Variants in SLFN14 observed in about 807,000 individuals in gnomAD.
The protein encoded by SLFN14 is protein SLFN14.
SLFN14 carries 47 observed loss-of-function variants against 58.6 expected under a neutral mutation model. The ratio of observed to expected loss-of-function variants is 0.80; its 90% confidence interval spans 0.64 to 1.02. SLFN14 has a LOEUF of 1.02. Among genes scored for constraint, SLFN14 ranks in the 50% least tolerant of loss-of-function variants. SLFN14 has a pLI of 0.00. For missense variants in SLFN14, 967 were observed against 1,078.4 expected, an observed-to-expected ratio of 0.90 and a Z score of 1.45; for synonymous variants, 390 against 387.3, an observed-to-expected ratio of 1.01 and a Z score of -0.08.
intron 5 of SLFN14, among the ~76,000 whole-genome samples, chr17:35,551,967 G>T (rs919465485): frequency 1.3e-5 from 2 of 152,120 alleles, no homozygotes; most frequent in African/African-American, 2.4e-5. Flanking sequence ...TAACCTCCTT[G>T]TTAATTGGAC....
intron 3 of SLFN14, among the ~76,000 whole-genome samples, chr17:35,555,010 G>T (rs1383333959): frequency 6.6e-6 from 1 of 152,028 alleles, no homozygotes; most frequent in Non-Finnish European, 1.5e-5. Context: ...ATAATATTCT[G>T]ACTCCAGGTT....
In SLFN14 at chr17:35,548,611, C is replaced by A. The variant is rs887312412; in HGVS notation, c.2367G>T (p.Leu789=). Residue 789 remains leucine (L), a synonymous_variant, in exon 6 of 6, where the codon CTG becomes CTT. Transcript: ENST00000674182. ...LPGVCETKTN[L]TTEQIANYVA... is the part of the protein sequence containing the mutation. ...CATAGTTAGCTATTTGTTCTGTTGT[C>A]AGATTAGTCTTTGTCTCACACACCC... 2.6e-6 allele frequency: 4 copies of A among 1,551,738 alleles called. No individual in the cohort carries two copies. The highest frequency in any genetic ancestry group is 3.5e-6 in the Non-Finnish European group (4 of 1,147,016).
chr17:35,556,123 C>T (rs1380077028), intron 3 of SLFN14, among the ~76,000 whole-genome samples: 2 of 151,904 alleles, frequency 1.3e-5, no homozygotes, highest in South Asian at 2.1e-4. Context: ...CTACAACCTC[C>T]ACCTCCCAGG....
chr17:35,548,505 T>G lies in SLFN14; in HGVS notation c.2473A>C (p.Arg825=), dbSNP rs947753341. 2 of 1,551,760 alleles carry G rather than the reference T, an allele frequency of 1.3e-6. No individual in the cohort carries two copies. Among genetic ancestry groups the G allele is most frequent in the Non-Finnish European group, 1.7e-6 (2 of 1,146,998 alleles). Residue 825 remains arginine (R), a synonymous_variant, in exon 6 of 6, where the codon AGA becomes CGA. Coordinates refer to ENST00000674182, the MANE Select transcript of SLFN14 (RefSeq NM_001129820.2). The part of the protein sequence containing the change: ...IAILCRRGED[R]GRYRLALLKA... ...AGTAGTGCAAGCCTATAGCGTCCTC[T>G]GTCCTCCCCTCTCCTGCACAGAATT...
chr17:35,552,114 C>T (rs1040390168), intron 5 of SLFN14, among the ~76,000 whole-genome samples: 2 of 152,198 alleles, frequency 1.3e-5, no homozygotes, highest in African/African-American at 4.8e-5. Context: ...GGCCTGCTAG[C>T]CCATGCTCCA....
In SLFN14 at chr17:35,546,496, A is replaced by G. The variant is rs1005983857; in HGVS notation, c.*1743T>C. Among the ~76,000 whole-genome samples the G allele has an allele frequency of 3.9e-5, 6 of 152,232 alleles. No individual in the cohort carries two copies. The highest frequency in any genetic ancestry group is 1.4e-4 in the African/African-American group (6 of 41,466). On this transcript the variant is annotated 3_prime_UTR_variant, in exon 6 of 6. Transcript: ENST00000674182. ...AGGCTGAGGGGCTTTATCTAAAATC[A>G]TAACCAAAATTTCCACATGTCTCCT...
At position 35,554,626 on chromosome 17, in the gene SLFN14, G is replaced by T; in HGVS notation, c.1139C>A (p.Pro380His). ...ASSARKSPGYPIKVHKFKEAL... is the reference protein window; with the variant it reads ...ASSARKSPGYHIKVHKFKEAL... ...CTCCTTAAATTTGTGGACTTTTATGGGATATCCGGGACTTTTTCGTGCAGA... is the reference window on the plus strand; with the variant it reads ...CTCCTTAAATTTGTGGACTTTTATGTGATATCCGGGACTTTTTCGTGCAGA... The change falls in exon 4 of 6, where the codon CCC becomes CAC. Residue 380 changes from proline (P) to histidine (H), a missense_variant. Coordinates refer to ENST00000674182, the MANE Select transcript of SLFN14 (RefSeq NM_001129820.2). 1.3e-6 allele frequency: 2 copies of T among 1,534,210 alleles called. No individual in the cohort carries two copies. The highest frequency in any genetic ancestry group is 2.0e-5 in the Admixed American group (1 of 49,132).
At position 35,553,575 on chromosome 17, in the gene SLFN14, T is replaced by C; in HGVS notation, c.1190-131A>G. ...GAGCTTTCCTTTAGAATTGTGATTC[T>C]TAATCAGGAGCAGTTTTACTCCCCA... On this transcript the variant is annotated intron_variant, in intron 4 of 5. Transcript: ENST00000674182. 5 of 743,806 alleles carry C rather than the reference T, an allele frequency of 6.7e-6. No homozygotes were observed. The South Asian group carries it at 9.9e-5, about 15-fold the overall frequency. The allele number at this position is 743,806 out of a possible 1,614,324, so 46.1% of individuals were successfully genotyped here. A position where few individuals can be genotyped will look rare whatever the true frequency, so the allele number is the denominator to read the frequency against.
chr17:35,557,857 T>A lies in SLFN14; in HGVS notation c.206A>T (p.Tyr69Phe). ...VIKAEIDDKT[Y>F]SYQCHGLGQD... ...TCCCAGCCCATGGCATTGGTAACTA[T>A]AGGTTTTATCATCAATCTCTGCTTT... The change falls in exon 3 of 6, where the codon TAT becomes TTT. Residue 69 changes from tyrosine (Y) to phenylalanine (F), a missense_variant. Tyr to Phe is a conservative substitution (Grantham distance 22). Coordinates refer to ENST00000674182, the MANE Select transcript of SLFN14 (RefSeq NM_001129820.2). 2 of 1,551,754 alleles carry A rather than the reference T, an allele frequency of 1.3e-6. No individual in the cohort carries two copies. Among genetic ancestry groups the A allele is most frequent in the Non-Finnish European group, 1.7e-6 (2 of 1,146,992 alleles).
At position 35,544,347 on chromosome 17, in the gene SLFN14, T is replaced by G. The variant is rs1029550848; in HGVS notation, c.*3892A>C. Among the ~76,000 whole-genome samples, 1 of 152,134 alleles carries G rather than the reference T, an allele frequency of 6.6e-6. No homozygotes were observed. The highest frequency in any genetic ancestry group is 1.5e-5 in the Non-Finnish European group (1 of 68,028). ...AGGTAGGAAATATTGGGAACAATAA[T>G]GTAGTCTATAGCAATATCTCACAAA... is the stretch of plus-strand genomic sequence containing the variant. On this transcript the variant is annotated 3_prime_UTR_variant, in exon 6 of 6. Coordinates refer to ENST00000674182, the MANE Select transcript of SLFN14 (RefSeq NM_001129820.2).
chr17:35,557,414 T>C lies in SLFN14; in HGVS notation c.649A>G (p.Thr217Ala), dbSNP rs2072663128. 6.4e-7 allele frequency: 1 copy of C among 1,551,688 alleles called. No homozygotes were observed. The highest frequency in any genetic ancestry group is 1.4e-5 in the African/African-American group (1 of 73,164). Residue 217 changes from threonine to alanine, a missense_variant, in exon 3 of 6, where the codon ACC becomes GCC. Thr to Ala is a moderately conservative substitution (Grantham distance 58). Transcript: ENST00000674182. ...STHVEFKRFT[T>A]KKVIPRIKEM... is the part of the protein sequence containing the mutation. Reference sequence around the variant, plus strand: ...TTAATCCGAGGTATGACTTTTTTGGTGGTGAACCTTTTAAATTCAACATGT... The same window carrying C: ...TTAATCCGAGGTATGACTTTTTTGGCGGTGAACCTTTTAAATTCAACATGT...
chr17:35,549,120 A>C, intron 5 of SLFN14, 47 bp from the exon 6 acceptor site: 3 of 1,395,846 alleles, frequency 2.1e-6, no homozygotes, highest in Non-Finnish European at 2.9e-6. Flanking sequence ...AACAAAGAGA[A>C]CACCAGCAGT....
chr17:35,548,450 C>G lies in SLFN14; in HGVS notation c.2528G>C (p.Arg843Thr). 1.9e-6 allele frequency: 3 copies of G among 1,551,736 alleles called. No homozygotes were observed. The highest frequency in any genetic ancestry group is 1.7e-4 in the Middle Eastern group (1 of 5,992). ...LKAMELIETH[R>T]PSEVVFSPAT... is the part of the protein sequence containing the mutation. ...CGGGCTAAACACAACCTCTGATGGT[C>G]TGTGGGTCTCAATTAATTCCATTGC... The change falls in exon 6 of 6, where the codon AGA becomes ACA. Residue 843 changes from arginine (R) to threonine (T), a missense_variant. Transcript: ENST00000674182.
At position 35,552,647 on chromosome 17, in the gene SLFN14, T is replaced by C. The variant is rs9892613; in HGVS notation, c.1904+83A>G. The stretch of plus-strand genomic sequence containing the variant: ...ATACACATATATATACATATATATA[T>C]ACACATATATATACACATATATATA... On this transcript the variant is annotated intron_variant, in intron 5 of 5. Coordinates refer to ENST00000674182, the MANE Select transcript of SLFN14 (RefSeq NM_001129820.2). 5.9e-4 allele frequency: 273 copies of C among 458,932 alleles called. 8 individuals carry two copies. In the East Asian group the frequency reaches 6.1e-3, roughly 10 times the overall value. 28.4% of individuals were successfully genotyped at this position (458,932 alleles called of 1,614,324 possible). A position where few individuals can be genotyped will look rare whatever the true frequency, so the allele number is the denominator to read the frequency against.
At chr17:35,549,126 G>T in intron 5 of SLFN14, 53 bp from the exon 6 acceptor site, 1 of 1,357,414 alleles carries the variant, frequency 7.4e-7, no homozygotes, top group Non-Finnish European at 1.0e-6. Context: ...GAGAACACCA[G>T]CAGTCATTAC....
intron 3 of SLFN14, among the ~76,000 whole-genome samples, chr17:35,556,044 A>T (rs139599630): frequency 3.2e-4 from 48 of 151,830 alleles, no homozygotes; most frequent in African/African-American, 1.0e-3. Flanking sequence ...ATTTTTATTT[A>T]TTTATTTTTT....
At position 35,558,083 on chromosome 17, in the gene SLFN14, C is replaced by T; in HGVS notation, c.-21G>A. 6.5e-7 allele frequency: 1 copy of T among 1,536,296 alleles called. No homozygotes were observed. The highest frequency in any genetic ancestry group is 8.8e-7 in the Non-Finnish European group (1 of 1,139,438). On this transcript the variant is annotated 5_prime_UTR_variant, in exon 3 of 6. It introduces an in-frame stop codon into an upstream open reading frame of the 5' UTR. Coordinates refer to ENST00000674182, the MANE Select transcript of SLFN14 (RefSeq NM_001129820.2). Reference sequence around the variant, plus strand: ...TCCATTTCAGCAGCCCCTCTGTGCTCCAAACAATAAAAGAAAGGAGTTCCT... The same window carrying T: ...TCCATTTCAGCAGCCCCTCTGTGCTTCAAACAATAAAAGAAAGGAGTTCCT...
At position 35,557,136 on chromosome 17, in the gene SLFN14, G is replaced by A. The variant is rs1482862423; in HGVS notation, c.927C>T (p.Val309=). The A allele has an allele frequency of 3.9e-6, 6 of 1,551,566 alleles. No individual in the cohort carries two copies. The highest frequency in any genetic ancestry group is 5.2e-6 in the Non-Finnish European group (6 of 1,147,010). Residue 309 remains valine, a synonymous_variant, in exon 3 of 6, where the codon GTC becomes GTT. Transcript: ENST00000674182. The part of the protein sequence containing the change: ...VYQKDVLDGY[V]CVIQVEPFCC... ...AGAAGGGCTCCACTTGAATCACACA[G>A]ACATAACCATCCAGGACATCTTTTT...
At chr17:35,560,002 C>A (rs2142215272) in intron 1 of SLFN14, among the ~76,000 whole-genome samples, 197 bp from the exon 2 acceptor site, 1 of 152,276 alleles carries the variant, frequency 6.6e-6, no homozygotes, top group Admixed American at 6.5e-5. Flanking sequence ...TCTAAAATCT[C>A]CTCTATAATA....
Sources: allele counts gnomAD v4.1 joint callset (sites outside exome capture counted in the v4.1 genomes callset), GRCh38; gene constraint gnomAD v4.1.1; transcripts MANE v1.5; gene names NCBI Gene and HGNC (gene_info 2026-07-23, HGNC 2026-07-21).